TTBK2: variants seen among roughly 807,000 people sequenced by gnomAD.
The protein encoded by TTBK2 is tau-tubulin kinase 2.
A neutral mutation model predicts 110.8 loss-of-function variants in TTBK2; 28 were observed. The observed-to-expected ratio is 0.25, with a 90% CI of 0.19 to 0.35. The LOEUF is 0.35. Among genes scored for constraint, TTBK2 ranks in the 10% least tolerant of loss-of-function variants. The pLI, the probability that TTBK2 is intolerant of heterozygous loss-of-function variation, is 1.00. For missense variants in TTBK2, 1,369 were observed against 1,500.3 expected, an observed-to-expected ratio of 0.91 and a Z score of 1.45; for synonymous variants, 532 against 527.3, an observed-to-expected ratio of 1.01 and a Z score of -0.12.
At chr15:42,838,319 T>C (rs1403965951) in intron 4 of TTBK2, among the ~76,000 whole-genome samples, 3 of 152,112 alleles carry the variant, frequency 2.0e-5, no homozygotes, top group Admixed American at 6.6e-5. Context: ...AGATGAACCA[T>C]GGTTTTTAAA....
chr15:42,740,820 G>A lies in TTBK2; in HGVS notation c.*4975C>T, dbSNP rs1173334378. ...TCTGCCCGCCTCAGCCTCCCAAAGAGCTGGGATTACAGGCATGAGCCACTG... is the reference window on the plus strand; with the variant it reads ...TCTGCCCGCCTCAGCCTCCCAAAGAACTGGGATTACAGGCATGAGCCACTG... On this transcript the variant is annotated 3_prime_UTR_variant, in exon 15 of 15. Transcript: ENST00000267890. The A allele has an allele frequency of 6.6e-6, 1 of 152,302 alleles. No individual in the cohort carries two copies. The highest frequency in any genetic ancestry group is 6.5e-5 in the Admixed American group (1 of 15,280). 9.4% of individuals were successfully genotyped at this position (152,302 alleles called of 1,614,324 possible).
intron 1 of TTBK2, among the ~76,000 whole-genome samples, chr15:42,888,136 T>G (rs1250158459): frequency 6.6e-6 from 1 of 152,180 alleles, no homozygotes; most frequent in Non-Finnish European, 1.5e-5. Context: ...TGACCACCAC[T>G]GCTTTAATAC....
chr15:42,832,150 T>C (rs1370806126), intron 4 of TTBK2, among the ~76,000 whole-genome samples: 1 of 152,150 alleles, frequency 6.6e-6, no homozygotes, highest in Admixed American at 6.5e-5. Context: ...GTTAAATAAG[T>C]GACAGTCTAC....
At chr15:42,889,737 C>T (rs778171332) in intron 1 of TTBK2, among the ~76,000 whole-genome samples, 4 of 152,100 alleles carry the variant, frequency 2.6e-5, no homozygotes, top group African/African-American at 9.7e-5. Context: ...TCATTCTACA[C>T]GACAAATGCT....
chr15:42,871,269 A>G (rs985525700), intron 3 of TTBK2, among the ~76,000 whole-genome samples: 1 of 152,184 alleles, frequency 6.6e-6, no homozygotes, highest in Non-Finnish European at 1.5e-5. Flanking sequence ...ATTAGTTAAT[A>G]ACGTGAAAAA....
intron 9 of TTBK2, chr15:42,800,977 C>A (rs749247424): frequency 2.6e-6 from 2 of 756,136 alleles, no homozygotes; most frequent in Non-Finnish European, 4.8e-6. Context: ...TTGGGCAGGA[C>A]GTTGGAGGAC....
intron 9 of TTBK2, among the ~76,000 whole-genome samples, chr15:42,808,722 C>A (rs1409629384): frequency 1.3e-5 from 2 of 151,720 alleles, no homozygotes; most frequent in Non-Finnish European, 2.9e-5. Flanking sequence ...GCATGGTGCA[C>A]ACTTGTAGAT....
At chr15:42,801,254 C>G (rs1265350519) in intron 9 of TTBK2, 1 of 1,567,436 alleles carries the variant, frequency 6.4e-7, no homozygotes, top group Non-Finnish European at 8.7e-7. Flanking sequence ...AGGTGGCGAT[C>G]TTGATATCCA....
At chr15:42,846,763 T>C (rs969521062) in intron 3 of TTBK2, among the ~76,000 whole-genome samples, 3 of 152,130 alleles carry the variant, frequency 2.0e-5, no homozygotes, top group African/African-American at 7.2e-5. Flanking sequence ...AAAGACAAAG[T>C]GCTTAGAGGA....
In TTBK2 at chr15:42,753,207, G is replaced by C. The variant is rs763235763; in HGVS notation, c.2039C>G (p.Thr680Ser). Reference sequence around the variant, plus strand: ...CTGACCACAGTGAAAGCTTCCTGAAGTTGACTGTGTAGATGCCACAGAAGG... The same window carrying C: ...CTGACCACAGTGAAAGCTTCCTGAACTTGACTGTGTAGATGCCACAGAAGG... The part of the protein sequence containing the change: ...PRPSVASTQS[T>S]SGSFHCGQQP... Residue 680 changes from threonine to serine, a missense_variant, in exon 14 of 15, where the codon ACT (threonine) becomes AGT (serine). Physicochemically the swap from Thr to Ser is moderately conservative, Grantham distance 58 (BLOSUM62 1). Coordinates refer to ENST00000267890, the MANE Select transcript of TTBK2 (RefSeq NM_173500.4). The C allele has an allele frequency of 6.2e-7, 1 of 1,612,840 alleles. No homozygotes were observed. Among genetic ancestry groups the C allele is most frequent in the Non-Finnish European group, 8.5e-7 (1 of 1,179,758 alleles).
intron 6 of TTBK2, among the ~76,000 whole-genome samples, chr15:42,819,857 G>T (rs1349401513): frequency 6.6e-6 from 1 of 152,150 alleles, no homozygotes; most frequent in Non-Finnish European, 1.5e-5. Flanking sequence ...AGCTAACATA[G>T]AATTTTTTTG....
chr15:42,752,603 A>T lies in TTBK2; in HGVS notation c.2643T>A (p.Asp881Glu), dbSNP rs769425312. 2.5e-6 allele frequency: 4 copies of T among 1,614,160 alleles called. No individual in the cohort carries two copies. The highest frequency in any genetic ancestry group is 3.4e-6 in the Non-Finnish European group (4 of 1,180,034). The change falls in exon 14 of 15, where the codon GAT (aspartate) becomes GAA (glutamate). Residue 881 changes from aspartate (D) to glutamate (E), a missense_variant. Asp to Glu is a conservative substitution (Grantham distance 45, BLOSUM62 2). Coordinates refer to ENST00000267890, the MANE Select transcript of TTBK2 (RefSeq NM_173500.4). ...GCAAGTCTTCACTCATGATGTCATC[A>T]TCCTTAGATATCTTATTTTTTTGCA... ...AEMQKNKISK[D>E]DDIMSEDLPG...
intron 6 of TTBK2, among the ~76,000 whole-genome samples, chr15:42,824,809 C>A (rs190237963): frequency 3.9e-5 from 6 of 152,138 alleles, no homozygotes; most frequent in Non-Finnish European, 7.4e-5. Context: ...ATATAACAAA[C>A]CCTCATGGCA....
intron 13 of TTBK2, among the ~76,000 whole-genome samples, chr15:42,753,865 C>G (rs1396359990): frequency 2.6e-5 from 4 of 152,158 alleles, no homozygotes; most frequent in Non-Finnish European, 5.9e-5. Context: ...ACATTAAATT[C>G]TCTCCAAGTC....
intron 14 of TTBK2, among the ~76,000 whole-genome samples, chr15:42,750,797 C>A (rs2061855247): frequency 6.6e-6 from 1 of 152,056 alleles, no homozygotes; most frequent in East Asian, 1.9e-4. Context: ...AACTCAGAGA[C>A]CCACAATGAG....
intron 11 of TTBK2, among the ~76,000 whole-genome samples, chr15:42,781,578 C>T (rs753210013): frequency 2.6e-5 from 4 of 151,992 alleles, no homozygotes; most frequent in Non-Finnish European, 4.4e-5. Flanking sequence ...GTTGTGGTTT[C>T]GATTTCATTC....
At position 42,751,969 on chromosome 15, in the gene TTBK2, A is replaced by T; in HGVS notation, c.3272+5T>A. ...ACTTAACACAGGGAGAGCACACAGC[A>T]TTACCTGGCTTCTACTCCAGGCCTC... On this transcript the variant is annotated splice_donor_5th_base_variant and intron_variant, in intron 14 of 14. Coordinates refer to ENST00000267890, the MANE Select transcript of TTBK2 (RefSeq NM_173500.4). 1 of 1,614,108 alleles carries T rather than the reference A, an allele frequency of 6.2e-7. No individual in the cohort carries two copies.
At position 42,845,589 on chromosome 15, in the gene TTBK2, G is replaced by C. The variant is rs549481936; in HGVS notation, c.218-5156C>G. On this transcript the variant is annotated intron_variant, in intron 3 of 14. Coordinates refer to ENST00000267890, the MANE Select transcript of TTBK2 (RefSeq NM_173500.4). ...GCGGGGGTTGCAGTGGGCCGAGATC[G>C]CACAATTGCACTCCAGCCTGGGCGA... Among the ~76,000 whole-genome samples the C allele has an allele frequency of 4.1e-5, 5 of 123,190 alleles. 2 individuals are homozygous for C. Among genetic ancestry groups the C allele is most frequent in the African/African-American group, 1.6e-4 (5 of 31,072 alleles). The allele number at this position is 123,190 out of a possible 152,430, so 80.8% of individuals were successfully genotyped here.
At chr15:42,776,712 A>G (rs1210636653) in intron 12 of TTBK2, among the ~76,000 whole-genome samples, 1 of 152,228 alleles carries the variant, frequency 6.6e-6, no homozygotes, top group African/African-American at 2.4e-5. Flanking sequence ...GTTGTGTGGA[A>G]GAGATTACTT....
Sources: allele counts gnomAD v4.1 joint callset (sites outside exome capture counted in the v4.1 genomes callset), GRCh38; gene constraint gnomAD v4.1.1; transcripts MANE v1.5; gene names NCBI Gene and HGNC (gene_info 2026-07-23, HGNC 2026-07-21).